Variants in PCDH15 observed in about 807,000 individuals in gnomAD.
The protein encoded by PCDH15 is protocadherin-15.
Under a neutral mutation model 178.5 loss-of-function variants are expected in PCDH15, and 129 were observed. The ratio of observed to expected loss-of-function variants is 0.72; its 90% CI spans 0.63 to 0.84. The LOEUF (loss-of-function observed/expected upper bound fraction) is 0.84. PCDH15 is among the 40% of genes least tolerant of loss of function. PCDH15 has a pLI of 0.00. For synonymous variants in PCDH15, 800 were observed against 732.0 expected (o/e 1.09, Z -1.50); for missense variants, 2,230 against 2,099.9 (o/e 1.06, Z -1.21).
intron 5 of PCDH15, among the ~76,000 whole-genome samples, chr10:54,359,679 A>G (rs2185749): frequency 0.11 from 17,395 of 152,004 alleles, 1,750 homozygotes; most frequent in African/African-American, 0.28. Flanking sequence ...TACTTATAGA[A>G]TGAAACAGAG....
chr10:54,911,058 A>G (rs144681661), intron 2 of PCDH15, among the ~76,000 whole-genome samples: 5 of 152,372 alleles, frequency 3.3e-5, no homozygotes, highest in Non-Finnish European at 2.9e-5. Context: ...TAGTTTCATA[A>G]TCTGGAAAGG....
intron 1 of PCDH15, among the ~76,000 whole-genome samples, chr10:54,680,296 T>A (rs1446708922): frequency 6.6e-6 from 1 of 152,124 alleles, no homozygotes; most frequent in Admixed American, 6.5e-5. Flanking sequence ...CTAAAATGAT[T>A]TTTTGCAATT....
At chr10:54,273,713 G>C (rs1295779261) in intron 8 of PCDH15, among the ~76,000 whole-genome samples, 1 of 152,042 alleles carries the variant, frequency 6.6e-6, no homozygotes. Flanking sequence ...AACTTCAAAA[G>C]TACAGTCCCG....
chr10:54,289,353 C>T (rs900235381), intron 8 of PCDH15, among the ~76,000 whole-genome samples: 1 of 152,138 alleles, frequency 6.6e-6, no homozygotes, highest in Non-Finnish European at 1.5e-5. Context: ...GCATCAACAT[C>T]AACAAAAAGG....
At chr10:55,304,411 C>A (rs767651355) in intron 1 of PCDH15, among the ~76,000 whole-genome samples, 60 of 152,144 alleles carry the variant, frequency 3.9e-4, no homozygotes, top group Non-Finnish European at 7.8e-4. Context: ...TGGTTCCTAG[C>A]CAGTCTGCCT....
chr10:55,334,604 G>A (rs1425121676), intron 2 of PCDH15, among the ~76,000 whole-genome samples: 2 of 151,824 alleles, frequency 1.3e-5, no homozygotes, highest in African/African-American at 4.8e-5. Flanking sequence ...ATGGTGCCCG[G>A]CTGGGTGCTC....
intron 9 of PCDH15, among the ~76,000 whole-genome samples, chr10:54,226,435 C>T (rs938831949): frequency 3.9e-5 from 6 of 152,142 alleles, no homozygotes; most frequent in African/African-American, 1.4e-4. Flanking sequence ...CATGGTGGCT[C>T]ATGCCTATAA....
At chr10:53,863,820 AG>A in intron 27 of PCDH15, among the ~76,000 whole-genome samples, 1 of 152,324 alleles carries the variant, frequency 6.6e-6, no homozygotes, top group Non-Finnish European at 1.5e-5. Context: ...GTAGAGGTAC[AG>A]GCTTTAGATA....
intron 2 of PCDH15, among the ~76,000 whole-genome samples, chr10:54,531,349 CTT>C (rs2083903877): frequency 6.6e-6 from 1 of 152,108 alleles, no homozygotes; most frequent in Non-Finnish European, 1.5e-5. Context: ...TTTCTGCAAA[CTT>C]GTCACAATGC....
chr10:54,454,468 A>T (rs910070079), intron 3 of PCDH15, among the ~76,000 whole-genome samples: 7 of 149,114 alleles, frequency 4.7e-5, no homozygotes, highest in Non-Finnish European at 1.0e-4. Flanking sequence ...TTTTTAATTA[A>T]TAATTAAAAT....
chr10:54,820,713 A>T (rs1953023823), intron 3 of PCDH15, among the ~76,000 whole-genome samples: 1 of 152,042 alleles, frequency 6.6e-6, no homozygotes, highest in South Asian at 2.1e-4. Flanking sequence ...GCTAAATCTG[A>T]CATCTACAGA....
At chr10:54,426,098 G>A (rs189647791) in intron 3 of PCDH15, among the ~76,000 whole-genome samples, 1 of 152,218 alleles carries the variant, frequency 6.6e-6, no homozygotes, top group Admixed American at 6.5e-5. Context: ...TATTTACTAT[G>A]AGCCCAAGAT....
chr10:54,511,084 C>T (rs556460587), intron 3 of PCDH15, among the ~76,000 whole-genome samples: 4 of 152,180 alleles, frequency 2.6e-5, no homozygotes, highest in South Asian at 2.1e-4. Flanking sequence ...GGAATGTAAA[C>T]GTGATTTAAA....
chr10:53,852,374 C>T (rs1366976685), intron 28 of PCDH15, among the ~76,000 whole-genome samples: 1 of 152,016 alleles, frequency 6.6e-6, no homozygotes, highest in African/African-American at 2.4e-5. Flanking sequence ...TCAAGGGTAT[C>T]TGTAGTGGAT....
chr10:54,551,521 T>C (rs1328160715), intron 2 of PCDH15, among the ~76,000 whole-genome samples: 1 of 152,076 alleles, frequency 6.6e-6, no homozygotes, highest in South Asian at 2.1e-4. Flanking sequence ...GGCAAAATAT[T>C]ATAAAAATAG....
At position 55,580,102 on chromosome 10, in the gene PCDH15, C is replaced by G. The variant is rs188188435; in HGVS notation, c.-156+47523G>C. ...CAACACCTGACCTCAGGTGATCCAC[C>G]CGCCTCGGCCTCCCAAAGTGCTGGG... On this transcript the variant is annotated intron_variant, in intron 2 of 5. Transcript: ENST00000613346. Among the ~76,000 whole-genome samples, 777 of 152,302 alleles carry G rather than the reference C, an allele frequency of 5.1e-3. 36 individuals are homozygous for G. The highest frequency in any genetic ancestry group is 0.047 in the Admixed American group (719 of 15,302).
intron 8 of PCDH15, among the ~76,000 whole-genome samples, chr10:54,265,210 C>T (rs1030132404): frequency 2.0e-5 from 3 of 152,026 alleles, no homozygotes; most frequent in Admixed American, 1.3e-4. Context: ...GTCAAGCAAT[C>T]GGTAAGGGAA....
intron 2 of PCDH15, among the ~76,000 whole-genome samples, chr10:54,644,640 G>A (rs954791116): frequency 6.6e-6 from 1 of 151,984 alleles, no homozygotes; most frequent in African/African-American, 2.4e-5. Context: ...CTCTAATGAC[G>A]GGATAAGGCT....
At chr10:54,715,897 C>T (rs531743075) in intron 1 of PCDH15, among the ~76,000 whole-genome samples, 3 of 152,256 alleles carry the variant, frequency 2.0e-5, no homozygotes, top group South Asian at 2.1e-4. Context: ...TGTGCTGCCC[C>T]TCCCTTCAGG....
Sources: allele counts gnomAD v4.1 joint callset (sites outside exome capture counted in the v4.1 genomes callset), GRCh38; gene constraint gnomAD v4.1.1; transcripts MANE v1.5; gene names NCBI Gene and HGNC (gene_info 2026-07-23, HGNC 2026-07-21).